Variants in TNFRSF9 observed in about 807,000 individuals in gnomAD.
TNFRSF9 encodes the protein tumor necrosis factor receptor superfamily member 9.
A neutral mutation model predicts 28.8 loss-of-function variants in TNFRSF9; 16 were observed. That is an observed-to-expected ratio of 0.55 (90% CI 0.38 to 0.84). TNFRSF9 has a LOEUF of 0.84. Among genes scored for constraint, TNFRSF9 ranks in the 40% least tolerant of loss-of-function variants. TNFRSF9 has a pLI of 0.00. For synonymous variants in TNFRSF9, 131 were observed against 117.0 expected, an observed-to-expected ratio of 1.12 and a Z score of -0.77; for missense variants, 303 against 315.0, an observed-to-expected ratio of 0.96 and a Z score of 0.29.
At chr1:7,925,264 C>T (rs970573157) in intron 7 of TNFRSF9, among the ~76,000 whole-genome samples, 3 of 151,106 alleles carry the variant, frequency 2.0e-5, no homozygotes, top group African/African-American at 7.3e-5. Flanking sequence ...GCCAAGATCT[C>T]GCCACTGCAT....
At chr1:7,934,905 G>T in intron 6 of TNFRSF9, 108 bp downstream of exon 6, 1 of 1,416,356 alleles carries the variant, frequency 7.1e-7, no homozygotes, top group Non-Finnish European at 9.7e-7. Flanking sequence ...CAGGAAGAAT[G>T]CACGTGGGAG....
At position 7,935,760 on chromosome 1, in the gene TNFRSF9, T is replaced by C. The variant is rs77041160; in HGVS notation, c.414-617A>G. On this transcript the variant is annotated intron_variant, in intron 5 of 7. Transcript: ENST00000377507. The stretch of plus-strand genomic sequence containing the variant: ...GGGAGGATCACTTGAACCCAGGAGT[T>C]TGAGGCTGATCACTTGAACCCAGGA... 2.6e-3 allele frequency among the ~76,000 whole-genome samples: 391 copies of C among 152,132 alleles called. 2 individuals carry two copies. The highest frequency in any genetic ancestry group is 5.8e-3 in the Admixed American group (89 of 15,298).
intron 7 of TNFRSF9, among the ~76,000 whole-genome samples, chr1:7,932,680 C>T (rs1253827702): frequency 2.0e-5 from 3 of 150,690 alleles, no homozygotes; most frequent in African/African-American, 7.4e-5. Flanking sequence ...CATACACACA[C>T]GCACGCACGC....
At chr1:7,938,875 G>T in intron 2 of TNFRSF9, 47 bp from the exon 3 acceptor site, 1 of 1,331,048 alleles carries the variant, frequency 7.5e-7, no homozygotes. Context: ...ATGGGCAATC[G>T]TCACCCAAGG....
Position 7,940,789 on chromosome 1 carries a change from G to A in TNFRSF9, c.-90C>T, listed in dbSNP as rs966052539. The A allele has an allele frequency of 6.6e-6, 1 of 152,322 alleles. No individual in the cohort carries two copies. Among genetic ancestry groups the A allele is most frequent in the African/African-American group, 2.4e-5 (1 of 41,444 alleles). The allele number at this position is 152,322 out of a possible 1,614,324, so 9.4% of individuals were successfully genotyped here. A position where few individuals can be genotyped will look rare whatever the true frequency, so the allele number is the denominator to read the frequency against. ...ACTCCCCCAGATGGACAGACCTTGA[G>A]ATCTCAGGGCTGCCGGAGAACTTTC... is the stretch of plus-strand genomic sequence containing the variant. On this transcript the variant is annotated 5_prime_UTR_variant, in exon 1 of 8. Coordinates refer to ENST00000377507, the MANE Select transcript of TNFRSF9 (RefSeq NM_001561.6).
At chr1:7,925,700 G>T (rs1346305007) in intron 7 of TNFRSF9, among the ~76,000 whole-genome samples, 1 of 152,214 alleles carries the variant, frequency 6.6e-6, no homozygotes, top group East Asian at 1.9e-4. Context: ...AACAGTGACA[G>T]ATCATCAGGT....
intron 6 of TNFRSF9, among the ~76,000 whole-genome samples, chr1:7,933,698 A>AAAAAG (rs1301320038): frequency 6.6e-6 from 1 of 151,894 alleles, no homozygotes; most frequent in Non-Finnish European, 1.5e-5. Flanking sequence ...CCATCTCAAA[A>AAAAAG]AAAAGAAAAG....
At chr1:7,921,036 T>C in intron 7 of TNFRSF9, 113 bp from the exon 8 acceptor site, 3 of 793,942 alleles carry the variant, frequency 3.8e-6, no homozygotes, top group Non-Finnish European at 6.2e-6. Context: ...CATTCTCCCC[T>C]TTAATTTTAA....
chr1:7,938,623 C>T (rs753140886), intron 3 of TNFRSF9, 98 bp downstream of exon 3: 4 of 1,068,502 alleles, frequency 3.7e-6, no homozygotes, highest in Non-Finnish European at 5.4e-6. Context: ...CAGTCTTTGA[C>T]ACTTGAGATT....
intron 7 of TNFRSF9, 102 bp downstream of exon 7, chr1:7,933,060 A>G: frequency 1.4e-6 from 2 of 1,423,776 alleles, no homozygotes; most frequent in East Asian, 2.4e-5. Context: ...CCACGGGGCT[A>G]TATGAACCTC....
rs148554600 is a variant in TNFRSF9, at chr1:7,935,056, C to T, written c.501G>A (p.Pro167=). Residue 167 remains proline, a synonymous_variant, in exon 6 of 8, where the codon CCG becomes CCA. Coordinates refer to ENST00000377507, the MANE Select transcript of TNFRSF9 (RefSeq NM_001561.6). ...CAGGCGGGGTCACAGAGGATGCTCC[C>T]GGAGAGAGGTCGGCTGGAGATGGTC... ...VCGPSPADLS[P]GASSVTPPAP... 222 of 1,614,236 alleles carry T rather than the reference C, an allele frequency of 1.4e-4. No individual in the cohort carries two copies. The highest frequency in any genetic ancestry group is 1.3e-3 in the African/African-American group (94 of 75,072).
At chr1:7,932,988 C>T (rs1312110157) in intron 7 of TNFRSF9, 174 bp downstream of exon 7, 3 of 715,554 alleles carry the variant, frequency 4.2e-6, no homozygotes, top group Non-Finnish European at 6.8e-6. Flanking sequence ...GAGCGGTGAA[C>T]ACTGCAACTG....
intron 7 of TNFRSF9, among the ~76,000 whole-genome samples, chr1:7,927,679 A>G (rs1639674873): frequency 6.6e-6 from 1 of 152,056 alleles, no homozygotes; most frequent in Non-Finnish European, 1.5e-5. Context: ...GAAAAAAAAA[A>G]TCAAGATTTA....
intron 7 of TNFRSF9, among the ~76,000 whole-genome samples, chr1:7,931,341 A>G (rs1557427772): frequency 2.0e-5 from 3 of 152,244 alleles, no homozygotes; most frequent in Non-Finnish European, 4.4e-5. Flanking sequence ...TTCAAACGTC[A>G]TTACATGTAA....
At chr1:7,938,354 A>G (rs1451491860) in intron 3 of TNFRSF9, 24 bp from the exon 4 acceptor site, 6 of 1,567,802 alleles carry the variant, frequency 3.8e-6, no homozygotes, top group East Asian at 2.3e-5. Flanking sequence ...CCAGCCCCCA[A>G]CATTTTATTA....
Position 7,933,217 on chromosome 1 carries a change from G to A in TNFRSF9, c.624C>T (p.Leu208=), listed in dbSNP as rs1639760090. 6.2e-7 allele frequency: 1 copy of A among 1,614,018 alleles called. No individual in the cohort carries two copies. Among genetic ancestry groups the A allele is most frequent in the Non-Finnish European group, 8.5e-7 (1 of 1,179,918 alleles). The change falls in exon 7 of 8, where the codon CTC becomes CTT. Residue 208 remains leucine, a synonymous_variant. Coordinates refer to ENST00000377507, the MANE Select transcript of TNFRSF9 (RefSeq NM_001561.6). ...ALLFLLFFLT[L]RFSVVKRGRK... The stretch of plus-strand genomic sequence containing the variant: ...TGCCCCGTTTAACAACAGAGAAACG[G>A]AGCGTGAGGAAGAACAGCAGGAAGA...
At chr1:7,932,701 A>G (rs1639750330) in intron 7 of TNFRSF9, among the ~76,000 whole-genome samples, 1 of 149,690 alleles carries the variant, frequency 6.7e-6, no homozygotes. Flanking sequence ...GCACACACAC[A>G]CGCACACACA....
chr1:7,937,897 G>A (rs1639844548), intron 4 of TNFRSF9, 141 bp from the exon 5 acceptor site: 1 of 727,630 alleles, frequency 1.4e-6, no homozygotes. Flanking sequence ...AACACCCTAA[G>A]ATGGCTAGTT....
rs1033498117 is a variant in TNFRSF9, at chr1:7,916,417, C to T, written c.*4418G>A. 3.3e-5 allele frequency: 5 copies of T among 152,186 alleles called. No individual in the cohort carries two copies. Among genetic ancestry groups the T allele is most frequent in the African/African-American group, 1.2e-4 (5 of 41,438 alleles). 9.4% of individuals were successfully genotyped at this position (152,186 alleles called of 1,614,324 possible). ...CTTTTGCACATGATACCAGAATAGG[C>T]TATGATAAAAATATCACAGTCTGTA... On this transcript the variant is annotated 3_prime_UTR_variant, in exon 8 of 8. Coordinates refer to ENST00000377507, the MANE Select transcript of TNFRSF9 (RefSeq NM_001561.6).
Sources: allele counts gnomAD v4.1 joint callset (sites outside exome capture counted in the v4.1 genomes callset), GRCh38; gene constraint gnomAD v4.1.1; transcripts MANE v1.5; gene names NCBI Gene and HGNC (gene_info 2026-07-23, HGNC 2026-07-21).